The following SPTLC2 variants were observed in gnomAD, a reference collection of about 807,000 sequenced individuals.
The protein encoded by SPTLC2 is serine palmitoyltransferase 2.
In SPTLC2, 21 loss-of-function variants were observed where a neutral mutation model predicts 62.0. That is an observed-to-expected ratio of 0.34 (90% CI 0.24 to 0.49). The LOEUF (loss-of-function observed/expected upper bound fraction) is 0.49, where lower values mean the gene tolerates loss of function less well. Ranked by LOEUF, SPTLC2 falls within the 20% of genes least tolerant of loss-of-function variation. SPTLC2 has a pLI of 0.99. For missense variants in SPTLC2, 511 were observed against 713.0 expected, an observed-to-expected ratio of 0.72 and a Z score of 3.23; for synonymous variants, 261 against 261.8, an observed-to-expected ratio of 1.00 and a Z score of 0.03.
At chr14:77,557,718 A>G (rs1303055426) in intron 6 of SPTLC2, among the ~76,000 whole-genome samples, 6 of 152,318 alleles carry the variant, frequency 3.9e-5, no homozygotes, top group African/African-American at 1.2e-4. Context: ...TGGGGCATGT[A>G]TAAGTCTGTG....
chr14:77,614,011 G>A (rs779623484), intron 1 of SPTLC2, among the ~76,000 whole-genome samples: 6 of 152,222 alleles, frequency 3.9e-5, no homozygotes, highest in South Asian at 4.1e-4. Context: ...ATACTGGTGA[G>A]AAGTAGTTTT....
intron 6 of SPTLC2, among the ~76,000 whole-genome samples, chr14:77,561,422 C>T (rs2079614261): frequency 1.3e-5 from 2 of 152,006 alleles, no homozygotes; most frequent in African/African-American, 2.4e-5. Context: ...CCAGTCTGGC[C>T]AACACAGTGA....
At chr14:77,596,199 C>T (rs1449568738) in intron 2 of SPTLC2, among the ~76,000 whole-genome samples, 1 of 152,070 alleles carries the variant, frequency 6.6e-6, no homozygotes, top group Admixed American at 6.5e-5. Context: ...ATTAGCCGGG[C>T]ACGGTGGCAG....
Position 77,510,578 on chromosome 14 carries a change from T to C in SPTLC2, c.*1706A>G, listed in dbSNP as rs1328728839. 1 of 152,334 alleles carries C rather than the reference T, an allele frequency of 6.6e-6. No individual in the cohort carries two copies. The allele number at this position is 152,334 out of a possible 1,614,324, so 9.4% of individuals were successfully genotyped here. ...ACCTCCGCCTCCTGGGTTCAAGCGA[T>C]TCTCCTGCCTCAGCCTACCAAGTAG... On this transcript the variant is annotated 3_prime_UTR_variant, in exon 12 of 12. Transcript: ENST00000216484.
At chr14:77,597,044 T>C (rs2079851268) in intron 2 of SPTLC2, 142 bp downstream of exon 2, 3 of 799,970 alleles carry the variant, frequency 3.8e-6, no homozygotes, top group South Asian at 3.5e-5. Context: ...GCTTTCTTTG[T>C]AGAATGTTTT....
intron 7 of SPTLC2, among the ~76,000 whole-genome samples, chr14:77,556,380 C>T (rs549514253): frequency 6.8e-4 from 104 of 151,996 alleles, no homozygotes; most frequent in African/African-American, 2.3e-3. Flanking sequence ...TCTTAATTCA[C>T]GACAAAAATA....
At chr14:77,563,589 C>A (rs144442546) in intron 5 of SPTLC2, among the ~76,000 whole-genome samples, 1 of 152,134 alleles carries the variant, frequency 6.6e-6, no homozygotes, top group African/African-American at 2.4e-5. Context: ...CCAGGCCCAG[C>A]TAATATTTGT....
intron 9 of SPTLC2, among the ~76,000 whole-genome samples, chr14:77,528,034 A>G (rs2079417804): frequency 6.6e-6 from 1 of 152,238 alleles, no homozygotes; most frequent in South Asian, 2.1e-4. Context: ...ATGTTCAGCC[A>G]GAGTTGATCT....
intron 9 of SPTLC2, among the ~76,000 whole-genome samples, chr14:77,540,105 A>G (rs559626102): frequency 6.7e-6 from 1 of 150,156 alleles, no homozygotes; most frequent in South Asian, 2.1e-4. Context: ...CTGAGGCAGG[A>G]GAATCGCTCG....
chr14:77,586,078 C>CTTTTTTTTT (rs57174185), intron 2 of SPTLC2, among the ~76,000 whole-genome samples: 15 of 137,450 alleles, frequency 1.1e-4, no homozygotes, highest in East Asian at 4.2e-4. Flanking sequence ...TTTCTTTTTT[C>CTTTTTTTTT]TTTTTTTTTT....
chr14:77,571,204 A>G (rs11623595), intron 4 of SPTLC2, among the ~76,000 whole-genome samples: 87,808 of 152,004 alleles, frequency 0.58, 26,129 homozygotes, highest in East Asian at 0.91. Context: ...TATACAGCAA[A>G]AGATAGGTAA....
Position 77,574,756 on chromosome 14 carries a change from T to C in SPTLC2, c.631+2011A>G, listed in dbSNP as rs1050127958. On this transcript the variant is annotated intron_variant, in intron 4 of 11. Transcript: ENST00000216484. The stretch of plus-strand genomic sequence containing the variant: ...AAGCCAGACAGAAAAGACCAAATGT[T>C]ATACAATTCCTTTTATATTTAATGT... 7.9e-5 allele frequency among the ~76,000 whole-genome samples: 12 copies of C among 152,216 alleles called. 1 individual carries two copies. In the South Asian group the frequency reaches 1.2e-3, roughly 16 times the overall value.
At chr14:77,519,131 C>T (rs2079373216) in intron 10 of SPTLC2, among the ~76,000 whole-genome samples, 2 of 152,178 alleles carry the variant, frequency 1.3e-5, no homozygotes, top group African/African-American at 4.8e-5. Flanking sequence ...CCTCCACCTC[C>T]CAGATTCTAG....
chr14:77,530,495 A>G (rs1366063719), intron 9 of SPTLC2, among the ~76,000 whole-genome samples: 1 of 151,858 alleles, frequency 6.6e-6, no homozygotes, highest in Non-Finnish European at 1.5e-5. Context: ...GACTTAGCTA[A>G]TTTTTGTATT....
intron 3 of SPTLC2, among the ~76,000 whole-genome samples, chr14:77,577,229 T>C (rs902182782): frequency 4.9e-5 from 7 of 142,670 alleles, no homozygotes; most frequent in Non-Finnish European, 1.1e-4. Context: ...TTAAAAGATA[T>C]ACATACTCAG....
Position 77,555,537 on chromosome 14 carries a change from A to T in SPTLC2, c.957-18T>A, listed in dbSNP as rs757928927. 33 of 1,610,158 alleles carry T rather than the reference A, an allele frequency of 2.0e-5. No homozygotes were observed. Among genetic ancestry groups the T allele is most frequent in the South Asian group, 1.4e-4 (13 of 90,882 alleles). ...CCTCCATGCTGGCAAAACATGAAAA[A>T]ATATATATATACACATATACACTGA... is the stretch of plus-strand genomic sequence containing the variant. On this transcript the variant is annotated intron_variant, in intron 7 of 11. Transcript: ENST00000216484.
chr14:77,557,491 C>T (rs1052595641), intron 6 of SPTLC2, among the ~76,000 whole-genome samples: 2 of 152,140 alleles, frequency 1.3e-5, no homozygotes, highest in Non-Finnish European at 2.9e-5. Flanking sequence ...CAAACTGTAT[C>T]TCTAATCCCA....
intron 2 of SPTLC2, among the ~76,000 whole-genome samples, chr14:77,587,862 C>T (rs551609988): frequency 7.3e-5 from 11 of 149,884 alleles, no homozygotes; most frequent in Non-Finnish European, 1.6e-4. Flanking sequence ...CATAATATTG[C>T]ATATCAAAGA....
chr14:77,591,206 C>A (rs887750094), intron 2 of SPTLC2, among the ~76,000 whole-genome samples: 1 of 152,152 alleles, frequency 6.6e-6, no homozygotes, highest in Non-Finnish European at 1.5e-5. Flanking sequence ...TGAAAGGAGC[C>A]AGACACAGAA....
Sources: gnomAD v4.1 joint callset for allele counts (sites outside exome capture counted in the v4.1 genomes callset) on GRCh38, gnomAD v4.1.1 for gene constraint, MANE v1.5 for transcripts, NCBI Gene and HGNC (gene_info 2026-07-23, HGNC 2026-07-21) for gene names.